Variants in ALMS1 observed in about 807,000 individuals in gnomAD.
ALMS1 encodes the protein centrosome-associated protein ALMS1.
ALMS1 carries 271 observed loss-of-function variants against 352.2 expected under a neutral mutation model. The ratio of observed to expected loss-of-function variants is 0.77; its 90% CI spans 0.70 to 0.85. The LOEUF is 0.85. ALMS1 is among the 40% of genes least tolerant of loss of function. The pLI is 0.00. For missense variants in ALMS1, 5,445 were observed against 4,870.7 expected, an observed-to-expected ratio of 1.12 and a Z score of -3.51; for synonymous variants, 1,865 against 1,761.2, an observed-to-expected ratio of 1.06 and a Z score of -1.48.
At chr2:73,546,684 A>T (rs899356810) in intron 12 of ALMS1, among the ~76,000 whole-genome samples, 1 of 152,190 alleles carries the variant, frequency 6.6e-6, no homozygotes, top group African/African-American at 2.4e-5. Context: ...ACTCTAGAGG[A>T]TGGGAATGAA....
chr2:73,446,585 A>C lies in ALMS1; in HGVS notation c.1433-1375A>C, dbSNP rs574414825. Among the ~76,000 whole-genome samples, 32 of 152,234 alleles carry C rather than the reference A, an allele frequency of 2.1e-4. 1 individual carries two copies. In the South Asian group the frequency reaches 6.7e-3, roughly 32 times the overall value. ...TTCTTTACTTTGAAATTCACTCCTCAACCCATTTCATTCTATATTCAGCTC... is the reference window on the plus strand; with the variant it reads ...TTCTTTACTTTGAAATTCACTCCTCCACCCATTTCATTCTATATTCAGCTC... On this transcript the variant is annotated intron_variant, in intron 7 of 22. Transcript: ENST00000613296.
chr2:73,450,424 G>A lies in ALMS1; in HGVS notation c.3897G>A (p.Gln1299=), dbSNP rs745335322. 3 of 1,613,628 alleles carry A rather than the reference G, an allele frequency of 1.9e-6. No homozygotes were observed. The highest frequency in any genetic ancestry group is 2.5e-6 in the Non-Finnish European group (3 of 1,179,912). Residue 1299 remains glutamine, a synonymous_variant, in exon 8 of 23, where the codon CAG becomes CAA. Transcript: ENST00000613296. ...YREKPSIFYQ[Q]SLPSSHLTEE... ...AGAAGCCCAGCATTTTCTACCAACAGTCGTTGCCAAGTAGTCATCTAACTG... is the reference window on the plus strand; with the variant it reads ...AGAAGCCCAGCATTTTCTACCAACAATCGTTGCCAAGTAGTCATCTAACTG...
At chr2:73,425,094 C>T (rs1671354825) in intron 5 of ALMS1, among the ~76,000 whole-genome samples, 192 bp downstream of exon 5, 1 of 151,948 alleles carries the variant, frequency 6.6e-6, no homozygotes, top group Non-Finnish European at 1.5e-5. Flanking sequence ...TGCTCATCAT[C>T]ATCATCATAA....
chr2:73,402,371 T>A (rs1670891254), intron 1 of ALMS1, among the ~76,000 whole-genome samples: 1 of 150,196 alleles, frequency 6.7e-6, no homozygotes, highest in African/African-American at 2.5e-5. Flanking sequence ...CCTCCCGAGT[T>A]CAAGCGATTC....
chr2:73,532,873 C>G (rs1478529953), intron 11 of ALMS1, among the ~76,000 whole-genome samples: 1 of 152,214 alleles, frequency 6.6e-6, no homozygotes, highest in Non-Finnish European at 1.5e-5. Flanking sequence ...CTGAGTCTCA[C>G]CCAGGTGAGT....
chr2:73,550,496 G>A, intron 13 of ALMS1, 59 bp downstream of exon 13: 1 of 1,582,440 alleles, frequency 6.3e-7, no homozygotes, highest in South Asian at 1.1e-5. Context: ...TCCTAAATGA[G>A]ATTACTATCC....
At chr2:73,507,862 T>C (rs1673364152) in intron 10 of ALMS1, among the ~76,000 whole-genome samples, 1 of 152,176 alleles carries the variant, frequency 6.6e-6, no homozygotes, top group Admixed American at 6.5e-5. Context: ...CTTTTAATTG[T>C]GATGTTAGGG....
intron 9 of ALMS1, among the ~76,000 whole-genome samples, chr2:73,464,430 T>TTGAGA (rs1373927877): frequency 6.6e-6 from 1 of 152,212 alleles, no homozygotes; most frequent in Non-Finnish European, 1.5e-5. Flanking sequence ...AAATGAGGTA[T>TTGAGA]TGATGGGATG....
At chr2:73,523,582 C>T (rs548192814) in intron 11 of ALMS1, among the ~76,000 whole-genome samples, 1 of 152,252 alleles carries the variant, frequency 6.6e-6, no homozygotes, top group Non-Finnish European at 1.5e-5. Flanking sequence ...GCCTGGCCAA[C>T]ATAGTGAAAC....
At chr2:73,523,165 A>T (rs1027714759) in intron 11 of ALMS1, among the ~76,000 whole-genome samples, 1 of 152,222 alleles carries the variant, frequency 6.6e-6, no homozygotes, top group Non-Finnish European at 1.5e-5. Context: ...GCATATCCCA[A>T]ATCCCATAAG....
In ALMS1 at chr2:73,451,898, C is replaced by T. The variant is rs760484117; in HGVS notation, c.5371C>T (p.Pro1791Ser). Reference protein sequence around the residue: ...EALKVSNVPGPADQKTGVSTV... With the variant: ...EALKVSNVPGSADQKTGVSTV... ...TCTGAAAGTTTCAAATGTTCCTGGA[C>T]CAGCTGACCAGAAGACTGGGGTATC... The change falls in exon 8 of 23, where the codon CCA becomes TCA. Residue 1791 changes from proline (P) to serine (S), a missense_variant. Coordinates refer to ENST00000613296, the MANE Select transcript of ALMS1 (RefSeq NM_001378454.1). 2 of 1,614,080 alleles carry T rather than the reference C, an allele frequency of 1.2e-6. No individual in the cohort carries two copies. Among genetic ancestry groups the T allele is most frequent in the South Asian group, 2.2e-5 (2 of 91,080 alleles).
At chr2:73,575,483 A>G (rs1365191135) in intron 16 of ALMS1, among the ~76,000 whole-genome samples, 1 of 152,000 alleles carries the variant, frequency 6.6e-6, no homozygotes, top group African/African-American at 2.4e-5. Context: ...GCCAACACTT[A>G]TTTTCCATTT....
chr2:73,450,520 T>C lies in ALMS1; in HGVS notation c.3993T>C (p.Ser1331=). 3 of 1,612,714 alleles carry C rather than the reference T, an allele frequency of 1.9e-6. No homozygotes were observed. In the South Asian group the frequency reaches 3.3e-5, roughly 18 times the overall value. ...DQKTVIPILP[S]TFYSHTEKPG... is the part of the protein sequence containing the mutation. ...AGACTGTGATACCAATTTTACCCTCTACTTTCTACTCACACACAGAGAAGC... is the reference window on the plus strand; with the variant it reads ...AGACTGTGATACCAATTTTACCCTCCACTTTCTACTCACACACAGAGAAGC... The change falls in exon 8 of 23, where the codon TCT becomes TCC. Residue 1331 remains serine (S), a synonymous_variant. Coordinates refer to ENST00000613296, the MANE Select transcript of ALMS1 (RefSeq NM_001378454.1).
Position 73,404,562 on chromosome 2 carries a change from T to A in ALMS1, c.325-4060T>A, listed in dbSNP as rs116211609. Among the ~76,000 whole-genome samples the A allele has an allele frequency of 9.8e-3, 1,495 of 152,246 alleles. 29 individuals carry two copies. The highest frequency in any genetic ancestry group is 0.034 in the African/African-American group (1,403 of 41,536). On this transcript the variant is annotated intron_variant, in intron 1 of 22. Coordinates refer to ENST00000613296, the MANE Select transcript of ALMS1 (RefSeq NM_001378454.1). ...GATCATGTGGTTTTTGTCCTTCCATTAATGTGGTGTATTACATTGATCAAT... is the reference window on the plus strand; with the variant it reads ...GATCATGTGGTTTTTGTCCTTCCATAAATGTGGTGTATTACATTGATCAAT...
chr2:73,508,201 C>T (rs1572982748), intron 10 of ALMS1, among the ~76,000 whole-genome samples: 2 of 120,978 alleles, frequency 1.7e-5, no homozygotes, highest in Non-Finnish European at 1.7e-5. Flanking sequence ...CTCCTTTCTT[C>T]TTCTTCTTTT....
chr2:73,480,544 A>G (rs1434499035), intron 9 of ALMS1, among the ~76,000 whole-genome samples: 2 of 152,008 alleles, frequency 1.3e-5, no homozygotes, highest in Non-Finnish European at 2.9e-5. Flanking sequence ...ATACGTGTGC[A>G]TGTGTCTTTA....
At position 73,572,862 on chromosome 2, in the gene ALMS1, A is replaced by G. The variant is rs377418428; in HGVS notation, c.10985A>G (p.Glu3662Gly). ...AGCAGAGGGGAACGAAGTGTGAAGG[A>G]ATGGAGTGGTAGACAACAGCAGAGA... ...DDSRGERSVKEWSGRQQQRNK... is the reference protein window; with the variant it reads ...DDSRGERSVKGWSGRQQQRNK... The change falls in exon 16 of 23, where the codon GAA becomes GGA. Residue 3662 changes from glutamate (E) to glycine (G), a missense_variant. By Grantham distance (98) the Glu-to-Gly change is moderately conservative. Transcript: ENST00000613296. 8 of 1,613,990 alleles carry G rather than the reference A, an allele frequency of 5.0e-6. No individual in the cohort carries two copies. The highest frequency in any genetic ancestry group is 1.3e-5 in the African/African-American group (1 of 74,902).
At chr2:73,538,028 C>A (rs377419091) in intron 12 of ALMS1, among the ~76,000 whole-genome samples, 1 of 151,964 alleles carries the variant, frequency 6.6e-6, no homozygotes, top group Admixed American at 6.6e-5. Context: ...AACAAAAAAA[C>A]AAAGGCAACA....
intron 10 of ALMS1, among the ~76,000 whole-genome samples, chr2:73,511,117 C>G (rs1342178341): frequency 6.6e-6 from 1 of 152,200 alleles, no homozygotes; most frequent in East Asian, 1.9e-4. Context: ...TCTTAGCTTG[C>G]TGGACTCCTT....
Sources: gnomAD v4.1 joint callset for allele counts (sites outside exome capture counted in the v4.1 genomes callset) on GRCh38, gnomAD v4.1.1 for gene constraint, MANE v1.5 for transcripts, NCBI Gene and HGNC (gene_info 2026-07-23, HGNC 2026-07-21) for gene names.